Variants in ANK2 observed in about 807,000 individuals in gnomAD.
ANK2 encodes the protein ankyrin 2.
Under a neutral mutation model 360.5 loss-of-function variants are expected in ANK2, and 83 were observed. The ratio of observed to expected loss-of-function variants is 0.23; its 90% CI spans 0.19 to 0.28. The LOEUF (loss-of-function observed/expected upper bound fraction) is 0.28. ANK2 is among the 10% of genes least tolerant of loss of function. ANK2 has a pLI of 1.00. For synonymous variants in ANK2, 1,740 were observed against 1,759.5 expected, an observed-to-expected ratio of 0.99 and a Z score of 0.28; for missense variants, 4,201 against 4,795.7, an observed-to-expected ratio of 0.88 and a Z score of 3.66.
In ANK2 at chr4:113,355,896, T is replaced by G. The variant is rs552602982; in HGVS notation, c.7278T>G (p.Asp2426Glu). The G allele has an allele frequency of 3.7e-6, 6 of 1,614,062 alleles. No individual in the cohort carries two copies. In the South Asian group the frequency reaches 6.6e-5, roughly 18 times the overall value. Reference protein sequence around the residue: ...RDSEVLSAVADDSLAVSHKDS... With the variant: ...RDSEVLSAVAEDSLAVSHKDS... ...GCGAAGTCCTCAGCGCTGTGGCTGA[T>G]GACTCATTAGCAGTGAGCCACAAAG... The change falls in exon 38 of 46, where the codon GAT becomes GAG. Residue 2426 changes from aspartate to glutamate, a missense_variant. This residue lies in a region of ANK2 where 2,642 missense variants were observed against 2,714.5 expected (regional missense o/e 0.97). Coordinates refer to ENST00000357077, the MANE Select transcript of ANK2 (RefSeq NM_001148.6).
chr4:113,289,841 A>T (rs2066658227), intron 20 of ANK2, among the ~76,000 whole-genome samples: 1 of 152,220 alleles, frequency 6.6e-6, no homozygotes, highest in Non-Finnish European at 1.5e-5. Flanking sequence ...TTTGAGACTT[A>T]TTTAAAGCCT....
intron 1 of ANK2, among the ~76,000 whole-genome samples, chr4:113,072,719 C>T (rs2078054977): frequency 1.4e-5 from 2 of 147,098 alleles, no homozygotes; most frequent in Non-Finnish European, 3.0e-5. Flanking sequence ...TGACTTTTTC[C>T]CTTAAAATAG....
At chr4:112,942,829 T>C (rs1453021016) in intron 2 of ANK2, among the ~76,000 whole-genome samples, 1 of 152,068 alleles carries the variant, frequency 6.6e-6, no homozygotes, top group Non-Finnish European at 1.5e-5. Flanking sequence ...TTTTTCTTCA[T>C]AAAATATATT....
In ANK2 at chr4:113,355,914, C is replaced by G; in HGVS notation, c.7296C>G (p.Ser2432Arg). Residue 2432 changes from serine to arginine, a missense_variant, in exon 38 of 46, where the codon AGC becomes AGG. Coordinates refer to ENST00000357077, the MANE Select transcript of ANK2 (RefSeq NM_001148.6). ...TGGCTGATGACTCATTAGCAGTGAG[C>G]CACAAAGACTCTCTGGAAGCCAGCC... ...SAVADDSLAV[S>R]HKDSLEASPV... 1.2e-6 allele frequency: 2 copies of G among 1,614,064 alleles called. No homozygotes were observed. Among genetic ancestry groups the G allele is most frequent in the Non-Finnish European group, 1.7e-6 (2 of 1,179,968 alleles).
intron 1 of ANK2, among the ~76,000 whole-genome samples, chr4:113,061,857 T>C (rs2073577195): frequency 6.6e-6 from 1 of 152,228 alleles, no homozygotes. Flanking sequence ...AAGAGTATAA[T>C]TGGATTGTTT....
chr4:113,162,318 A>G (rs1443488486), intron 1 of ANK2, among the ~76,000 whole-genome samples: 18 of 151,926 alleles, frequency 1.2e-4, no homozygotes, highest in Admixed American at 1.1e-3. Flanking sequence ...GGACATTCTG[A>G]TCTTGCCTTT....
chr4:113,066,979 T>C (rs2075852534), intron 1 of ANK2, among the ~76,000 whole-genome samples: 1 of 151,962 alleles, frequency 6.6e-6, no homozygotes, highest in African/African-American at 2.4e-5. Context: ...GTTTTGTTGC[T>C]AGTTTGTGAA....
intron 4 of ANK2, among the ~76,000 whole-genome samples, chr4:113,200,613 A>G (rs565219419): frequency 1.2e-3 from 183 of 152,274 alleles, no homozygotes; most frequent in Non-Finnish European, 2.2e-3. Context: ...TTCATGTAGG[A>G]TAATGGCCCC....
intron 1 of ANK2, among the ~76,000 whole-genome samples, chr4:112,846,911 T>G (rs2063453134): frequency 6.6e-6 from 1 of 152,182 alleles, no homozygotes; most frequent in Admixed American, 6.5e-5. Context: ...AGCAGCACCA[T>G]GTCTGTGTTC....
At chr4:113,313,886 ATAAC>A (rs981047473) in intron 24 of ANK2, among the ~76,000 whole-genome samples, 4 of 152,322 alleles carry the variant, frequency 2.6e-5, no homozygotes, top group East Asian at 1.9e-4. Flanking sequence ...ATTGAACTGA[ATAAC>A]TAGCTGAGCT....
chr4:113,319,777 C>G (rs1209873490), intron 26 of ANK2, among the ~76,000 whole-genome samples: 1 of 152,028 alleles, frequency 6.6e-6, no homozygotes, highest in Non-Finnish European at 1.5e-5. Flanking sequence ...TTCAAATTTA[C>G]TTGCTTTTTT....
rs187857897 is a variant in ANK2, at chr4:113,140,871, G to A, written c.85-33545G>A. The stretch of plus-strand genomic sequence containing the variant: ...TGCACGCCTGCAGTCCTTGCTACTT[G>A]GGAGGCTGAGGCAGGAGAATCACTT... On this transcript the variant is annotated intron_variant, in intron 1 of 45. Coordinates refer to ENST00000357077, the MANE Select transcript of ANK2 (RefSeq NM_001148.6). Among the ~76,000 whole-genome samples, 500 of 152,126 alleles carry A rather than the reference G, an allele frequency of 3.3e-3. 2 individuals carry two copies. Among genetic ancestry groups the A allele is most frequent in the Admixed American group, 8.3e-3 (127 of 15,290 alleles).
intron 1 of ANK2, among the ~76,000 whole-genome samples, chr4:113,148,438 A>G (rs1207667637): frequency 6.6e-6 from 1 of 151,460 alleles, no homozygotes; most frequent in East Asian, 1.9e-4. Flanking sequence ...TTACCAGTTT[A>G]CTCTCAGAGA....
the ANK2 span, among the ~76,000 whole-genome samples, chr4:112,745,032 A>G: frequency 6.6e-6 from 1 of 152,196 alleles, no homozygotes; most frequent in Non-Finnish European, 1.5e-5. Flanking sequence ...ATATGTGATC[A>G]AGTAGTTTTT....
In ANK2 at chr4:113,373,184, G is replaced by T. The variant is rs376664130; in HGVS notation, c.11694+11G>T. 6.8e-6 allele frequency: 11 copies of T among 1,613,252 alleles called. No individual in the cohort carries two copies. The African/African-American group carries it at 1.2e-4, about 18-fold the overall frequency. On this transcript the variant is annotated intron_variant, in intron 44 of 45. Coordinates refer to ENST00000357077, the MANE Select transcript of ANK2 (RefSeq NM_001148.6). Reference sequence around the variant, plus strand: ...ACCGTGGTAAAGAAGGTATTGTCTAGTATATCCTAACAGGGTTGATTACAA... The same window carrying T: ...ACCGTGGTAAAGAAGGTATTGTCTATTATATCCTAACAGGGTTGATTACAA...
the ANK2 span, among the ~76,000 whole-genome samples, chr4:112,784,614 AT>A: frequency 6.6e-6 from 1 of 151,956 alleles, no homozygotes; most frequent in African/African-American, 2.4e-5. Context: ...AAGTGCTGGG[AT>A]TACAAGCGTG....
chr4:113,181,869 A>G (rs2098423055), intron 2 of ANK2, among the ~76,000 whole-genome samples: 1 of 152,138 alleles, frequency 6.6e-6, no homozygotes, highest in Non-Finnish European at 1.5e-5. Context: ...TGGGTCATGT[A>G]AGGCCTTGTG....
At chr4:113,097,876 G>GCA (rs372519816) in intron 1 of ANK2, among the ~76,000 whole-genome samples, 70 of 105,936 alleles carry the variant, frequency 6.6e-4, no homozygotes, top group Non-Finnish European at 1.1e-3. Flanking sequence ...GTATATATAT[G>GCA]CACACACACA....
rs146327683 is a variant in ANK2, at chr4:113,159,570, C to T, written c.85-14846C>T. Among the ~76,000 whole-genome samples the T allele has an allele frequency of 3.9e-5, 6 of 151,972 alleles. No individual in the cohort carries two copies. The East Asian group carries it at 1.2e-3, about 29-fold the overall frequency. On this transcript the variant is annotated intron_variant, in intron 1 of 45. Transcript: ENST00000357077. Reference sequence around the variant, plus strand: ...TTGCTTCACATAAAATCTTTTTCCTCACAGAGAAGAGTAAAATTATAGTTT... The same window carrying T: ...TTGCTTCACATAAAATCTTTTTCCTTACAGAGAAGAGTAAAATTATAGTTT...
Sources: gnomAD v4.1 joint callset for allele counts (sites outside exome capture counted in the v4.1 genomes callset) on GRCh38, gnomAD v4.1.1 for gene constraint, gnomAD v4.1.1 regional missense constraint, MANE v1.5 for transcripts, NCBI Gene and HGNC (gene_info 2026-07-23, HGNC 2026-07-21) for gene names.